Variants in PSME4 observed in about 807,000 individuals in gnomAD.
The protein encoded by PSME4 is proteasome activator complex subunit 4.
A neutral mutation model predicts 253.9 loss-of-function variants in PSME4; 89 were observed. The observed-to-expected ratio is 0.35, with a 90% confidence interval of 0.30 to 0.42. PSME4 has a LOEUF of 0.42. Ranked by LOEUF, PSME4 falls within the 10% of genes least tolerant of loss-of-function variation. The probability of loss-of-function intolerance (pLI) is 1.00; values close to 1 mark genes in which losing one functional copy is unlikely to be tolerated. For missense variants in PSME4, 2,014 were observed against 2,195.2 expected, an observed-to-expected ratio of 0.92 and a Z score of 1.65; for synonymous variants, 851 against 759.2, an observed-to-expected ratio of 1.12 and a Z score of -1.99.
chr2:53,867,257 C>A (rs1342442809), intron 44 of PSME4, among the ~76,000 whole-genome samples: 1 of 152,136 alleles, frequency 6.6e-6, no homozygotes. Flanking sequence ...ATAATCCCAG[C>A]ACACTGAGAG....
At chr2:53,888,286 C>T (rs1399282922) in intron 38 of PSME4, 1 of 251,850 alleles carries the variant, frequency 4.0e-6, no homozygotes, top group Non-Finnish European at 7.4e-6. Flanking sequence ...TAATTAAGTG[C>T]TTCTTCTTTT....
chr2:53,953,487 T>TAAAAAAAA (rs67192995), intron 1 of PSME4, among the ~76,000 whole-genome samples: 3 of 123,020 alleles, frequency 2.4e-5, no homozygotes, highest in Non-Finnish European at 5.1e-5. Context: ...CCATGTCTAT[T>TAAAAAAAA]AAAAAAAAAA....
intron 1 of PSME4, among the ~76,000 whole-genome samples, chr2:53,959,910 G>A (rs1333347661): frequency 1.3e-5 from 2 of 152,186 alleles, no homozygotes; most frequent in Non-Finnish European, 2.9e-5. Flanking sequence ...GACATTCCAA[G>A]TACCTGGAAG....
intron 10 of PSME4, 135 bp from the exon 11 acceptor site, chr2:53,928,438 T>C: frequency 1.4e-6 from 1 of 691,526 alleles, no homozygotes. Context: ...AGAGTGAAAA[T>C]CTGCAATCAA....
chr2:53,902,081 G>T (rs1443289806), intron 27 of PSME4, among the ~76,000 whole-genome samples: 2 of 152,066 alleles, frequency 1.3e-5, no homozygotes. Context: ...AAGAAAAAAA[G>T]AAATTGTTCA....
chr2:53,906,562 G>A, intron 26 of PSME4, 36 bp downstream of exon 26: 1 of 1,454,954 alleles, frequency 6.9e-7, no homozygotes. Flanking sequence ...AATAAAATGG[G>A]AGGGCATGAG....
chr2:53,939,680 C>T (rs1669293061), intron 4 of PSME4, among the ~76,000 whole-genome samples: 2 of 152,110 alleles, frequency 1.3e-5, no homozygotes, highest in Admixed American at 1.3e-4. Context: ...GTCTGAATAA[C>T]AAATAACAAT....
chr2:53,920,138 A>G, intron 19 of PSME4, 55 bp downstream of exon 19: 1 of 1,468,806 alleles, frequency 6.8e-7, no homozygotes, highest in Non-Finnish European at 9.1e-7. Context: ...GATAAAGCCA[A>G]AAAAGACTTC....
rs1678520771 is a variant in PSME4, at chr2:53,865,453, A to C, written c.*125T>G. 6.6e-6 allele frequency: 1 copy of C among 152,272 alleles called. No individual in the cohort carries two copies. The highest frequency in any genetic ancestry group is 1.5e-5 in the Non-Finnish European group (1 of 68,056). The allele number at this position is 152,272 out of a possible 1,614,324, so 9.4% of individuals were successfully genotyped here. A position where few individuals can be genotyped will look rare whatever the true frequency, so the allele number is the denominator to read the frequency against. On this transcript the variant is annotated 3_prime_UTR_variant, in exon 47 of 47. Transcript: ENST00000404125. ...TGCAGACTAACGAGATCTAACACAG[A>C]AACCACCAAAATGATGAGAGCTCAG...
chr2:53,882,429 T>A (rs1351893698), intron 41 of PSME4, among the ~76,000 whole-genome samples: 1 of 152,236 alleles, frequency 6.6e-6, no homozygotes, highest in East Asian at 1.9e-4. Flanking sequence ...TTCCTTGTTA[T>A]CAGACTCAGC....
At chr2:53,893,571 T>C in intron 35 of PSME4, 103 bp downstream of exon 35, 3 of 1,547,896 alleles carry the variant, frequency 1.9e-6, no homozygotes, top group Non-Finnish European at 2.6e-6. Flanking sequence ...CCATTTTAGA[T>C]CAAGGCAGAT....
Position 53,949,413 on chromosome 2 carries a change from G to A in PSME4, c.243-130C>T. ...GGCCACAGAAGGATGAATGGATAAG[G>A]AAAATGTGGCATATACAACACAATG... On this transcript the variant is annotated intron_variant, in intron 1 of 46. Coordinates refer to ENST00000404125, the MANE Select transcript of PSME4 (RefSeq NM_014614.3). 2 of 497,016 alleles carry A rather than the reference G, an allele frequency of 4.0e-6. 1 individual carries two copies. The highest frequency in any genetic ancestry group is 6.8e-6 in the Non-Finnish European group (2 of 294,038). 30.8% of individuals were successfully genotyped at this position (497,016 alleles called of 1,614,324 possible). A position where few individuals can be genotyped will look rare whatever the true frequency, so the allele number is the denominator to read the frequency against.
In PSME4 at chr2:53,897,945, A is replaced by G; in HGVS notation, c.3531T>C (p.Asp1177=). 6.2e-7 allele frequency: 1 copy of G among 1,613,270 alleles called. No individual in the cohort carries two copies. The highest frequency in any genetic ancestry group is 8.5e-7 in the Non-Finnish European group (1 of 1,179,182). Residue 1177 remains aspartate (D), a synonymous_variant, in exon 31 of 47, where the codon GAT becomes GAC. Transcript: ENST00000404125. The part of the protein sequence containing the change: ...GIGLLSLLLR[D]DRVLPLRAIR... ...TGGCACGAAGAGGCAACACTCGGTC[A>G]TCTCTCAGCAGTAGAGACAGAAGCC...
At chr2:53,900,178 G>A (rs544086689) in intron 28 of PSME4, among the ~76,000 whole-genome samples, 161 bp from the exon 29 acceptor site, 1 of 152,232 alleles carries the variant, frequency 6.6e-6, no homozygotes, top group Admixed American at 6.5e-5. Context: ...CAAATTTATT[G>A]ACAGAGAAAG....
intron 34 of PSME4, among the ~76,000 whole-genome samples, chr2:53,894,802 A>C (rs1382751001): frequency 6.6e-6 from 1 of 152,200 alleles, no homozygotes; most frequent in Non-Finnish European, 1.5e-5. Flanking sequence ...TCAGTCTTAG[A>C]TACATCAACA....
chr2:53,912,882 C>G (rs1667888853), intron 20 of PSME4, among the ~76,000 whole-genome samples: 3 of 152,164 alleles, frequency 2.0e-5, no homozygotes, highest in Admixed American at 2.0e-4. Context: ...AGGATGTAAT[C>G]TGTGATATAT....
intron 35 of PSME4, 101 bp downstream of exon 35, chr2:53,893,573 A>C (rs1320066221): frequency 6.5e-7 from 1 of 1,549,166 alleles, no homozygotes; most frequent in Non-Finnish European, 8.7e-7. Flanking sequence ...ATTTTAGATC[A>C]AGGCAGATGG....
chr2:53,872,196 T>G (rs1279396125), intron 43 of PSME4, among the ~76,000 whole-genome samples: 1 of 152,224 alleles, frequency 6.6e-6, no homozygotes, highest in Admixed American at 6.5e-5. Flanking sequence ...CCAGGGTACA[T>G]GTCTATAATT....
rs1380968367 is a variant in PSME4, at chr2:53,921,094, A to G, written c.2057T>C (p.Val686Ala). The change falls in exon 18 of 47, where the codon GTG becomes GCG. Residue 686 changes from valine (V) to alanine (A), a missense_variant. Around this residue, in one of 4 missense-constraint regions of PSME4, gnomAD observed 989 missense variants for 1,021.1 expected, o/e 0.97. Transcript: ENST00000404125. ...NLQLLSEITR[V>A]DGRKLLLYRE... ...ATAAAGAAGCAACTTCCTTCCATCC[A>G]CTCGAGTAATCTAAAAGGAGGGAAA... 4.3e-6 allele frequency: 7 copies of G among 1,613,250 alleles called. No individual in the cohort carries two copies. Among genetic ancestry groups the G allele is most frequent in the Admixed American group, 3.3e-5 (2 of 59,750 alleles).
Sources: gnomAD v4.1 joint callset for allele counts (sites outside exome capture counted in the v4.1 genomes callset) on GRCh38, gnomAD v4.1.1 for gene constraint, gnomAD v4.1.1 regional missense constraint, MANE v1.5 for transcripts, NCBI Gene and HGNC (gene_info 2026-07-23, HGNC 2026-07-21) for gene names.